The following ATP13A5 variants were observed in gnomAD, a reference collection of about 807,000 sequenced individuals.
The protein encoded by ATP13A5 is probable cation-transporting ATPase 13A5.
ATP13A5 carries 149 observed loss-of-function variants against 150.2 expected under a neutral mutation model. The ratio of observed to expected loss-of-function variants is 0.99; its 90% CI spans 0.87 to 1.14. The LOEUF (loss-of-function observed/expected upper bound fraction) is 1.14, where lower values mean the gene tolerates loss of function less well. Ranked by LOEUF, ATP13A5 falls within the 50% of genes most tolerant of loss-of-function variation. The pLI is 0.00. For synonymous variants in ATP13A5, 497 were observed against 522.2 expected (o/e 0.95, Z 0.66); for missense variants, 1,383 against 1,449.3 (o/e 0.95, Z 0.74).
At chr3:193,322,909 C>T (rs895529537) in intron 14 of ATP13A5, among the ~76,000 whole-genome samples, 5 of 152,116 alleles carry the variant, frequency 3.3e-5, no homozygotes, top group African/African-American at 9.7e-5. Flanking sequence ...CCAACATTGC[C>T]GAGCACCATA....
chr3:193,299,497 G>C lies in ATP13A5; in HGVS notation c.2776-294C>G, dbSNP rs899131410. Among the ~76,000 whole-genome samples the C allele has an allele frequency of 2.0e-5, 3 of 152,242 alleles. No homozygotes were observed. The East Asian group carries it at 5.8e-4, about 29-fold the overall frequency. Reference sequence around the variant, plus strand: ...AGCTGTAGTCTCAGCCTAGGCAGTTGAATTCTCAACATAAGATGTTAAAGC... The same window carrying C: ...AGCTGTAGTCTCAGCCTAGGCAGTTCAATTCTCAACATAAGATGTTAAAGC... On this transcript the variant is annotated intron_variant, in intron 24 of 29. Transcript: ENST00000342358.
At chr3:193,354,605 G>A (rs1156357968) in intron 5 of ATP13A5, among the ~76,000 whole-genome samples, 2 of 151,388 alleles carry the variant, frequency 1.3e-5, no homozygotes, top group Non-Finnish European at 2.9e-5. Flanking sequence ...GGTACCTCCA[G>A]CACCTAGGAC....
At chr3:193,336,142 C>G (rs551714568) in intron 9 of ATP13A5, among the ~76,000 whole-genome samples, 65 of 152,186 alleles carry the variant, frequency 4.3e-4, no homozygotes, top group African/African-American at 1.3e-3. Context: ...ATCTCTCTTT[C>G]TAGGTCATAA....
intron 1 of ATP13A5, among the ~76,000 whole-genome samples, chr3:193,366,527 G>A (rs1314481667): frequency 6.6e-6 from 1 of 151,926 alleles, no homozygotes; most frequent in Non-Finnish European, 1.5e-5. Context: ...TATTTCATAA[G>A]CTAAAAGATC....
intron 27 of ATP13A5, among the ~76,000 whole-genome samples, chr3:193,283,542 T>A (rs909957872): frequency 1.3e-5 from 2 of 152,172 alleles, no homozygotes; most frequent in African/African-American, 4.8e-5. Context: ...AATAAGACAC[T>A]GTTTTCTAAA....
chr3:193,326,923 C>A, intron 13 of ATP13A5, 73 bp downstream of exon 13: 1 of 1,350,564 alleles, frequency 7.4e-7, no homozygotes, highest in Non-Finnish European at 1.1e-6. Flanking sequence ...CCCTTAACAC[C>A]CAAAAGATGG....
intron 14 of ATP13A5, among the ~76,000 whole-genome samples, chr3:193,322,958 T>C (rs1165092236): frequency 6.6e-6 from 1 of 152,212 alleles, no homozygotes; most frequent in Non-Finnish European, 1.5e-5. Context: ...GAGATAAACA[T>C]GGCACTAGTT....
In ATP13A5 at chr3:193,311,861, T is replaced by C; in HGVS notation, c.2400A>G (p.Lys800=). The C allele has an allele frequency of 6.2e-7, 1 of 1,613,968 alleles. No homozygotes were observed. The highest frequency in any genetic ancestry group is 8.5e-7 in the Non-Finnish European group (1 of 1,179,890). The change falls in exon 20 of 30, where the codon AAA becomes AAG. Residue 800 remains lysine (K), a synonymous_variant. Transcript: ENST00000342358. ...AATGCTGAAATATCACTTGGTATGA[T>C]TTCCCACTCATTGCAAAATGGTAAC... ...GSCYHFAMSG[K]SYQVIFQHFN...
intron 20 of ATP13A5, among the ~76,000 whole-genome samples, chr3:193,311,028 C>T (rs1718825440): frequency 6.6e-6 from 1 of 152,174 alleles, no homozygotes; most frequent in South Asian, 2.1e-4. Context: ...CTTGAGGAAA[C>T]ACAGTTCTTT....
intron 28 of ATP13A5, among the ~76,000 whole-genome samples, chr3:193,277,114 T>C (rs147872461): frequency 4.0e-4 from 61 of 152,310 alleles, no homozygotes; most frequent in Middle Eastern, 3.4e-3. Flanking sequence ...AGACAGGACA[T>C]TTTGGAGGCT....
In ATP13A5 at chr3:193,364,059, A is replaced by G. The variant is rs554700701; in HGVS notation, c.237+48T>C. ...CAGAGTTATGCCACAGAGGCAATAC[A>G]GAAGACACGATCATGGCTTTCAAAA... is the stretch of plus-strand genomic sequence containing the variant. On this transcript the variant is annotated intron_variant, in intron 2 of 29. Transcript: ENST00000342358. The G allele has an allele frequency of 2.0e-5, 32 of 1,589,662 alleles. No homozygotes were observed. In the South Asian group the frequency reaches 3.2e-4, roughly 16 times the overall value.
rs188458852 is a variant in ATP13A5, at chr3:193,299,416, G to A, written c.2776-213C>T. ...TGCATTTAACCTACTTCATATTAGC[G>A]ACAAAAGTCAATTATTTGAGAACCA... On this transcript the variant is annotated intron_variant, in intron 24 of 29. Transcript: ENST00000342358. Among the ~76,000 whole-genome samples, 593 of 152,174 alleles carry A rather than the reference G, an allele frequency of 3.9e-3. 1 individual carries two copies. Among genetic ancestry groups the A allele is most frequent in the Non-Finnish European group, 6.1e-3 (412 of 68,004 alleles).
intron 23 of ATP13A5, among the ~76,000 whole-genome samples, chr3:193,304,878 G>C (rs1446319494): frequency 6.6e-6 from 1 of 152,200 alleles, no homozygotes; most frequent in Non-Finnish European, 1.5e-5. Flanking sequence ...TGGCGAAGGT[G>C]AAGGAGAAGT....
intron 9 of ATP13A5, 35 bp from the exon 10 acceptor site, chr3:193,335,134 G>T (rs1220532818): frequency 6.2e-7 from 1 of 1,605,314 alleles, no homozygotes; most frequent in East Asian, 2.2e-5. Context: ...ATCTATGTAA[G>T]CTCAGGTAGT....
At chr3:193,366,332 T>A (rs945820481) in intron 1 of ATP13A5, among the ~76,000 whole-genome samples, 3 of 152,004 alleles carry the variant, frequency 2.0e-5, no homozygotes, top group Non-Finnish European at 4.4e-5. Context: ...ATAAAAGACC[T>A]ATCGTATACT....
Position 193,364,288 on chromosome 3 carries a change from A to G in ATP13A5, c.64-8T>C. The G allele has an allele frequency of 6.2e-7, 1 of 1,602,872 alleles. No homozygotes were observed. Among genetic ancestry groups the G allele is most frequent in the Non-Finnish European group, 8.5e-7 (1 of 1,174,612 alleles). ...CCGGTAACCAAACACCTCCTGGAGA[A>G]TAAATTTAAAAGATCGCTCTATTTT... is the stretch of plus-strand genomic sequence containing the variant. On this transcript the variant is annotated splice_polypyrimidine_tract_variant and splice_region_variant and intron_variant, in intron 1 of 29. Coordinates refer to ENST00000342358, the MANE Select transcript of ATP13A5 (RefSeq NM_198505.4).
chr3:193,354,746 A>ACATATGTG (rs1318769105), intron 5 of ATP13A5, among the ~76,000 whole-genome samples: 10 of 152,262 alleles, frequency 6.6e-5, no homozygotes, highest in African/African-American at 2.4e-4. Flanking sequence ...AAGGTGTAAT[A>ACATATGTG]CATATGTGCA....
At chr3:193,311,246 GTGACAGAAT>G (rs1718837982) in intron 20 of ATP13A5, among the ~76,000 whole-genome samples, 2 of 152,274 alleles carry the variant, frequency 1.3e-5, no homozygotes, top group South Asian at 4.2e-4. Flanking sequence ...GACTGCTAGG[GTGACAGAAT>G]TTTCATGACA....
intron 28 of ATP13A5, 56 bp downstream of exon 28, chr3:193,279,310 G>T: frequency 7.6e-7 from 1 of 1,308,018 alleles, no homozygotes; most frequent in South Asian, 1.2e-5. Flanking sequence ...GAATTACAAT[G>T]AATACATGGT....
Sources: allele counts gnomAD v4.1 joint callset (sites outside exome capture counted in the v4.1 genomes callset), GRCh38; gene constraint gnomAD v4.1.1; transcripts MANE v1.5; gene names NCBI Gene and HGNC (gene_info 2026-07-23, HGNC 2026-07-21).